CCDC57: variants seen among roughly 807,000 people sequenced by gnomAD.
CCDC57 encodes coiled-coil domain-containing protein 57.
In CCDC57, 118 loss-of-function variants were observed where a neutral mutation model predicts 118.9. That is an observed-to-expected ratio of 0.99 (90% CI 0.86 to 1.16). The LOEUF (loss-of-function observed/expected upper bound fraction) is 1.16. CCDC57 is among the 50% of genes most tolerant of loss of function. The probability of loss-of-function intolerance (pLI) is 0.00; values close to 1 mark genes in which losing one functional copy is unlikely to be tolerated. For missense variants in CCDC57, 1,300 were observed against 1,320.7 expected (o/e 0.98, Z 0.24); for synonymous variants, 527 against 532.9 (o/e 0.99, Z 0.15).
At chr17:82,147,155 GA>G (rs1215645612) in intron 16 of CCDC57, among the ~76,000 whole-genome samples, 4 of 152,070 alleles carry the variant, frequency 2.6e-5, no homozygotes, top group African/African-American at 9.7e-5. Flanking sequence ...ATGGGTGAGT[GA>G]AAGGATGGAT....
At chr17:82,130,500 T>A (rs1375831365) in intron 17 of CCDC57, among the ~76,000 whole-genome samples, 1 of 40,940 alleles carries the variant, frequency 2.4e-5, no homozygotes, top group African/African-American at 9.3e-5. Context: ...CAGACAAAAC[T>A]TTTTTTTTTT....
intron 16 of CCDC57, among the ~76,000 whole-genome samples, chr17:82,141,895 G>A (rs149860808): frequency 3.8e-4 from 58 of 152,232 alleles, no homozygotes; most frequent in African/African-American, 9.1e-4. Flanking sequence ...GGTTATCTGC[G>A]TCCAGCCCCT....
intron 19 of CCDC57, chr17:82,126,663 T>C (rs11651863): frequency 0.58 from 568,845 of 985,072 alleles, 166,264 homozygotes; most frequent in Non-Finnish European, 0.59. Flanking sequence ...TCTGGGTGGG[T>C]GGCGGAGGCT....
At chr17:82,151,078 C>A (rs2041945717) in intron 16 of CCDC57, among the ~76,000 whole-genome samples, 1 of 108,976 alleles carries the variant, frequency 9.2e-6, no homozygotes, top group Admixed American at 9.6e-5. Context: ...CAGGCGCACA[C>A]TCAGAACCTG....
At position 82,113,086 on chromosome 17, in the gene CCDC57, C is replaced by CAACA. The variant is rs2035407820; in HGVS notation, c.2900-11221_2900-11220insTGTT. On this transcript the variant is annotated intron_variant, in intron 19 of 19. Coordinates refer to ENST00000665763, the Ensembl canonical transcript of CCDC57. Reference sequence around the variant, plus strand: ...AGTTATTTCAACACAAGTTACTTTCCTAAGTGGCAGTCATGGTTTCGTCAC... The same window carrying CAACA: ...AGTTATTTCAACACAAGTTACTTTCCAACATAAGTGGCAGTCATGGTTTCGTCAC... 5 of 419,352 alleles carry CAACA rather than the reference C, an allele frequency of 1.2e-5. No individual in the cohort carries two copies. The South Asian group carries it at 2.0e-4, about 17-fold the overall frequency. The allele number at this position is 419,352 out of a possible 1,614,324, so 26.0% of individuals were successfully genotyped here.
At chr17:82,201,114 G>A (rs1039561570) in intron 3 of CCDC57, among the ~76,000 whole-genome samples, 2 of 152,214 alleles carry the variant, frequency 1.3e-5, no homozygotes, top group Admixed American at 6.5e-5. Flanking sequence ...CCCCACCACA[G>A]GCCCCACAAC....
At chr17:82,157,325 C>A (rs2042795404) in intron 15 of CCDC57, 1 of 471,308 alleles carries the variant, frequency 2.1e-6, no homozygotes, top group African/African-American at 2.1e-5. Flanking sequence ...GCCATGTGGG[C>A]CCCTCCCCAC....
chr17:82,122,684 A>G (rs1002420846), intron 19 of CCDC57, among the ~76,000 whole-genome samples: 1 of 152,168 alleles, frequency 6.6e-6, no homozygotes, highest in Non-Finnish European at 1.5e-5. Flanking sequence ...ACTGGCTGCA[A>G]TCAACCTTCT....
At chr17:82,117,148 G>A (rs1488350978) in intron 19 of CCDC57, among the ~76,000 whole-genome samples, 4 of 152,172 alleles carry the variant, frequency 2.6e-5, no homozygotes, top group Non-Finnish European at 5.9e-5. Flanking sequence ...CCAGGAGTTC[G>A]AGACCAGCCT....
At chr17:82,195,431 G>T in intron 4 of CCDC57, 67 bp from the exon 4 acceptor site, 1 of 1,228,602 alleles carries the variant, frequency 8.1e-7, no homozygotes, top group Non-Finnish European at 1.2e-6. Context: ...CCCACGTCCT[G>T]GGAGGTGGGA....
rs1191292863 is a variant in CCDC57, at chr17:82,150,101, CCACACCCAGAACCAGGCG to C, written c.2455+1441_2455+1458del. On this transcript the variant is annotated intron_variant, in intron 16 of 19. Coordinates refer to ENST00000665763, the Ensembl canonical transcript of CCDC57. ...ACCTGGTGCACACCCAGAACCTGAC[CCACACCCAGAACCAGGCG>C]CACACCCAGAACCAGGCGCACACCC... Among the ~76,000 whole-genome samples, 21 of 74,602 alleles carry C rather than the reference CCACACCCAGAACCAGGCG, an allele frequency of 2.8e-4. No individual in the cohort carries two copies. The South Asian group carries it at 9.4e-3, about 33-fold the overall frequency. 48.9% of individuals were successfully genotyped at this position (74,602 alleles called of 152,430 possible).
At chr17:82,186,938 T>C (rs987183526) in intron 8 of CCDC57, among the ~76,000 whole-genome samples, 2 of 151,126 alleles carry the variant, frequency 1.3e-5, no homozygotes, top group African/African-American at 4.9e-5. Flanking sequence ...TAAGACCCTG[T>C]CTCAAAAAAA....
At chr17:82,157,472 T>C (rs2042813443) in intron 15 of CCDC57, 2 of 1,398,474 alleles carry the variant, frequency 1.4e-6, no homozygotes, top group Non-Finnish European at 1.9e-6. Context: ...AAGATGCTGT[T>C]AGCTGAAGGG....
chr17:82,133,808 C>T (rs949868078), intron 17 of CCDC57, among the ~76,000 whole-genome samples: 1 of 151,046 alleles, frequency 6.6e-6, no homozygotes, highest in African/African-American at 2.4e-5. Context: ...TGTAGTGAGC[C>T]GAGATTGCAC....
At chr17:82,135,261 C>A (rs2038989018) in intron 16 of CCDC57, 1 of 152,100 alleles carries the variant, frequency 6.6e-6, no homozygotes. Flanking sequence ...CGCCACCACG[C>A]CCGGCTAATT....
chr17:82,201,515 G>A (rs762149586), intron 3 of CCDC57, 23 bp downstream of exon 2: 3 of 1,561,566 alleles, frequency 1.9e-6, no homozygotes, highest in Non-Finnish European at 2.6e-6. Context: ...CTGCACAGGA[G>A]GGCGCGTCGG....
At chr17:82,104,961 C>CT (rs1241733052) in intron 19 of CCDC57, 2 of 152,294 alleles carry the variant, frequency 1.3e-5, no homozygotes, top group African/African-American at 2.4e-5. Context: ...GAGGACGGAG[C>CT]TGGTCCCCAG....
At chr17:82,133,431 C>CA (rs71166189) in intron 17 of CCDC57, among the ~76,000 whole-genome samples, 11,396 of 38,250 alleles carry the variant, frequency 0.3, 2,863 homozygotes, top group Non-Finnish European at 0.38. Flanking sequence ...GGCCCTGTCT[C>CA]AAAAAAAAAA....
At chr17:82,128,696 AC>A in intron 17 of CCDC57, 99 bp from the exon 17 acceptor site, 1 of 945,152 alleles carries the variant, frequency 1.1e-6, no homozygotes, top group Non-Finnish European at 1.6e-6. Context: ...ATGCCTTCCC[AC>A]ATTTCTGGTA....
Sources: allele counts gnomAD v4.1 joint callset (sites outside exome capture counted in the v4.1 genomes callset), GRCh38; gene constraint gnomAD v4.1.1; transcripts MANE v1.5; gene names NCBI Gene and HGNC (gene_info 2026-07-23, HGNC 2026-07-21).